The following PRKG2 variants were observed in gnomAD, a reference collection of about 807,000 sequenced individuals.
PRKG2 encodes protein kinase cGMP-dependent 2.
A neutral mutation model predicts 97.2 loss-of-function variants in PRKG2; 33 were observed. That is an observed-to-expected ratio of 0.34 (90% CI 0.26 to 0.45). The LOEUF (loss-of-function observed/expected upper bound fraction) is 0.45, where lower values mean the gene tolerates loss of function less well. Among genes scored for constraint, PRKG2 ranks in the 20% least tolerant of loss-of-function variants. The pLI is 1.00. For synonymous variants in PRKG2, 330 were observed against 321.8 expected (o/e 1.03, Z -0.27); for missense variants, 638 against 900.0 (o/e 0.71, Z 3.73).
intron 14 of PRKG2, among the ~76,000 whole-genome samples, chr4:81,124,085 T>A (rs1288816013): frequency 1.3e-5 from 2 of 152,206 alleles, no homozygotes; most frequent in African/African-American, 4.8e-5. Flanking sequence ...CAGGGATCAT[T>A]TTTCTTCTCT....
At chr4:81,109,721 A>G (rs1203628214) in intron 15 of PRKG2, among the ~76,000 whole-genome samples, 1 of 152,212 alleles carries the variant, frequency 6.6e-6, no homozygotes, top group Non-Finnish European at 1.5e-5. Flanking sequence ...TACATAATAC[A>G]CATGTAAGTG....
intron 2 of PRKG2, among the ~76,000 whole-genome samples, chr4:81,182,866 T>A (rs1751540628): frequency 1.3e-5 from 2 of 151,990 alleles, no homozygotes; most frequent in South Asian, 4.1e-4. Flanking sequence ...CAAAATATTA[T>A]TAAAAGAATG....
chr4:81,118,741 C>T (rs1225202618), intron 14 of PRKG2, among the ~76,000 whole-genome samples: 2 of 152,146 alleles, frequency 1.3e-5, no homozygotes, highest in East Asian at 1.9e-4. Flanking sequence ...AGTGGCTTGT[C>T]TTCTAATTCT....
rs376147362 is a variant in PRKG2, at chr4:81,142,854, T to C, written c.1347A>G (p.Pro449=). 9.3e-6 allele frequency: 15 copies of C among 1,613,014 alleles called. No individual in the cohort carries two copies. Among genetic ancestry groups the C allele is most frequent in the Non-Finnish European group, 1.0e-5 (12 of 1,179,410 alleles). The part of the protein sequence containing the change: ...EKVARFSSSS[P]FQNLEIIATL... ...TTGCAATAATCTCAAGGTTCTGGAA[T>C]GGGGATGATGAGGAAAATCTGGCCA... Residue 449 remains proline, a synonymous_variant, in exon 11 of 19, where the codon CCA becomes CCG. Transcript: ENST00000264399.
intron 1 of PRKG2, among the ~76,000 whole-genome samples, chr4:81,214,377 A>G (rs1340422282): frequency 6.6e-6 from 1 of 151,964 alleles, no homozygotes; most frequent in Non-Finnish European, 1.5e-5. Context: ...TCTCATCCCC[A>G]AAGTGGCTGG....
chr4:81,189,128 C>A (rs2110109337), intron 2 of PRKG2, among the ~76,000 whole-genome samples: 1 of 80,352 alleles, frequency 1.2e-5, no homozygotes, highest in Admixed American at 1.1e-4. Context: ...AGTAGAGCAC[C>A]AAGGAAAAAT....
At chr4:81,137,646 C>T (rs961337708) in intron 12 of PRKG2, among the ~76,000 whole-genome samples, 164 bp from the exon 13 acceptor site, 2 of 152,302 alleles carry the variant, frequency 1.3e-5, no homozygotes, top group East Asian at 1.9e-4. Flanking sequence ...TTTGATTTCC[C>T]CACTGCCTTG....
intron 2 of PRKG2, among the ~76,000 whole-genome samples, chr4:81,176,622 A>G (rs931768252): frequency 3.3e-5 from 5 of 152,130 alleles, no homozygotes; most frequent in African/African-American, 1.2e-4. Flanking sequence ...TAATTTTCCA[A>G]AGTATGTTCC....
At chr4:81,150,316 G>A (rs1441518517) in intron 8 of PRKG2, among the ~76,000 whole-genome samples, 1 of 152,062 alleles carries the variant, frequency 6.6e-6, no homozygotes, top group East Asian at 1.9e-4. Flanking sequence ...ATACACTTAT[G>A]TTTCTTCCAT....
chr4:81,092,595 T>G, intron 17 of PRKG2, 143 bp from the exon 18 acceptor site: 1 of 627,450 alleles, frequency 1.6e-6, no homozygotes, highest in Non-Finnish European at 2.8e-6. Flanking sequence ...TGGCTTTAAA[T>G]AGCACTTATA....
At chr4:81,175,656 T>C (rs1039663175) in intron 2 of PRKG2, 9 of 152,242 alleles carry the variant, frequency 5.9e-5, no homozygotes, top group African/African-American at 2.2e-4. Flanking sequence ...TTACTCTAGA[T>C]ATGGGTGGAC....
At chr4:81,188,165 C>A (rs976058789) in intron 2 of PRKG2, among the ~76,000 whole-genome samples, 13 of 151,908 alleles carry the variant, frequency 8.6e-5, no homozygotes, top group South Asian at 2.1e-4. Flanking sequence ...TGAACTCAAA[C>A]AAATTTACAA....
intron 11 of PRKG2, 150 bp from the exon 12 acceptor site, chr4:81,140,819 T>C: frequency 3.6e-6 from 2 of 558,784 alleles, no homozygotes; most frequent in African/African-American, 1.9e-5. Context: ...GTGTACACAC[T>C]TCCCTTTCAT....
intron 13 of PRKG2, 57 bp downstream of exon 13, chr4:81,137,336 T>C (rs1286463207): frequency 1.1e-5 from 14 of 1,251,010 alleles, no homozygotes; most frequent in Non-Finnish European, 1.6e-5. Flanking sequence ...ATGCCTTTTT[T>C]AATGATTATA....
chr4:81,156,404 A>C (rs567364961), intron 6 of PRKG2, among the ~76,000 whole-genome samples: 10 of 152,330 alleles, frequency 6.6e-5, no homozygotes, highest in Admixed American at 4.6e-4. Flanking sequence ...TATGCACCCA[A>C]TACAGGAGCA....
intron 5 of PRKG2, 58 bp downstream of exon 5, chr4:81,169,605 T>C (rs1390012704): frequency 2.5e-6 from 3 of 1,213,746 alleles, no homozygotes; most frequent in Non-Finnish European, 3.6e-6. Context: ...ATAAAACCAA[T>C]ATATTCACAA....
At chr4:81,176,498 A>T (rs1750942812) in intron 2 of PRKG2, among the ~76,000 whole-genome samples, 1 of 152,160 alleles carries the variant, frequency 6.6e-6, no homozygotes, top group African/African-American at 2.4e-5. Flanking sequence ...TTGCTAGGTA[A>T]TTCTCTTAGT....
intron 14 of PRKG2, among the ~76,000 whole-genome samples, chr4:81,130,886 G>T (rs1440119972): frequency 2.6e-5 from 4 of 152,194 alleles, no homozygotes; most frequent in Non-Finnish European, 4.4e-5. Context: ...CTGGCAGGGA[G>T]AATTTCAAAC....
chr4:81,196,019 C>T (rs1056236378), intron 2 of PRKG2, among the ~76,000 whole-genome samples: 2 of 152,110 alleles, frequency 1.3e-5, no homozygotes, highest in African/African-American at 2.4e-5. Context: ...AAGACTTCAT[C>T]TTAGTTAACT....
Sources: gnomAD v4.1 joint callset for allele counts (sites outside exome capture counted in the v4.1 genomes callset) on GRCh38, gnomAD v4.1.1 for gene constraint, MANE v1.5 for transcripts, NCBI Gene and HGNC (gene_info 2026-07-23, HGNC 2026-07-21) for gene names.